Variants in LAMA2 observed in about 807,000 individuals in gnomAD.
LAMA2 encodes the protein laminin subunit alpha 2.
In LAMA2, 269 loss-of-function variants were observed where a neutral mutation model predicts 364.8. That is an observed-to-expected ratio of 0.74 (90% CI 0.67 to 0.82). LAMA2 has a LOEUF of 0.82. Ranked by LOEUF, LAMA2 falls within the 40% of genes least tolerant of loss-of-function variation. LAMA2 has a pLI of 0.00. For synonymous variants in LAMA2, 1,379 were observed against 1,370.6 expected (o/e 1.01, Z -0.14); for missense variants, 3,807 against 3,873.2 (o/e 0.98, Z 0.45).
At chr6:128,883,999 C>A (rs9482950) in intron 1 of LAMA2, among the ~76,000 whole-genome samples, 10,120 of 151,892 alleles carry the variant, frequency 0.067, 1,009 homozygotes, top group African/African-American at 0.21. Context: ...GTAGTGAAAT[C>A]GTGAAATTTC....
intron 1 of LAMA2, among the ~76,000 whole-genome samples, chr6:128,963,283 T>G (rs59357326): frequency 0.01 from 1,540 of 152,270 alleles, 31 homozygotes; most frequent in African/African-American, 0.035. Flanking sequence ...TAGGTTGAAA[T>G]GATGGTGCAT....
At chr6:129,443,895 C>T (rs1398043113) in intron 44 of LAMA2, among the ~76,000 whole-genome samples, 2 of 152,188 alleles carry the variant, frequency 1.3e-5, no homozygotes, top group East Asian at 3.9e-4. Flanking sequence ...ATTGAAATAA[C>T]AATTCTAAAC....
rs1779328933 is a variant in LAMA2 at position 129,391,638 on chromosome 6, C to A, written c.5219C>A (p.Ala1740Asp). ...AATCTAGAGACACAAAAGGAAATTG[C>A]TGAAGATGAGTTGGTGTGAGTAGAT... ...RKNLETQKEI[A>D]EDELVAAEAL... The change falls in exon 36 of 65, where the codon GCT becomes GAT. Residue 1740 changes from alanine to aspartate, a missense_variant. Physicochemically the swap from Ala to Asp is moderately radical, Grantham distance 126. Around this residue, in one of 3 missense-constraint regions of LAMA2, gnomAD observed 3,333 missense variants for 3,345.7 expected, o/e 1.00. Transcript: ENST00000421865. 1.2e-6 allele frequency: 2 copies of A among 1,613,264 alleles called. No individual in the cohort carries two copies. The highest frequency in any genetic ancestry group is 2.2e-5 in the South Asian group (2 of 91,058).
chr6:129,325,355 A>G (rs2326800), intron 28 of LAMA2, among the ~76,000 whole-genome samples: 7 of 152,118 alleles, frequency 4.6e-5, no homozygotes, highest in Non-Finnish European at 1.0e-4. Flanking sequence ...GTGTTCCAGA[A>G]AGGATTTTAG....
chr6:129,094,096 A>G (rs1174377706), intron 3 of LAMA2, among the ~76,000 whole-genome samples: 1 of 152,228 alleles, frequency 6.6e-6, no homozygotes, highest in Non-Finnish European at 1.5e-5. Flanking sequence ...TATTAGGGCC[A>G]TTAAATATTT....
intron 41 of LAMA2, among the ~76,000 whole-genome samples, chr6:129,433,750 T>C (rs1781709980): frequency 6.6e-6 from 1 of 152,116 alleles, no homozygotes; most frequent in South Asian, 2.1e-4. Context: ...AAACTTAGGT[T>C]CTGGACCAAG....
chr6:129,061,534 A>G (rs1371393756), intron 3 of LAMA2, among the ~76,000 whole-genome samples: 4 of 152,188 alleles, frequency 2.6e-5, no homozygotes, highest in Non-Finnish European at 5.9e-5. Flanking sequence ...GTTTTTATCA[A>G]TTCAGCAAGT....
intron 11 of LAMA2, among the ~76,000 whole-genome samples, chr6:129,192,254 G>A (rs1781561137): frequency 3.9e-5 from 6 of 152,112 alleles, no homozygotes. Flanking sequence ...TACTTTTTCA[G>A]GTTGTTTTTT....
At chr6:129,404,676 G>T (rs1257190575) in intron 40 of LAMA2, among the ~76,000 whole-genome samples, 2 of 152,076 alleles carry the variant, frequency 1.3e-5, no homozygotes, top group Non-Finnish European at 2.9e-5. Context: ...TGAATAAAAT[G>T]TTCAGAACCA....
chr6:129,243,562 T>C (rs952151294), intron 12 of LAMA2, among the ~76,000 whole-genome samples: 2 of 151,940 alleles, frequency 1.3e-5, no homozygotes, highest in Non-Finnish European at 2.9e-5. Context: ...AAGCAATCAG[T>C]GTTAGTTACA....
intron 35 of LAMA2, among the ~76,000 whole-genome samples, chr6:129,384,565 C>T (rs1403700372): frequency 6.6e-6 from 1 of 152,160 alleles, no homozygotes; most frequent in Non-Finnish European, 1.5e-5. Context: ...TTCCATCTCC[C>T]ACCAAAGAGA....
At chr6:129,147,148 G>C (rs1416207116) in intron 6 of LAMA2, 100 bp downstream of exon 6, 3 of 795,232 alleles carry the variant, frequency 3.8e-6, no homozygotes, top group Non-Finnish European at 6.8e-6. Context: ...ATGGGAGTCA[G>C]GTCCCCACTT....
At chr6:128,935,304 G>A (rs1397728687) in intron 1 of LAMA2, among the ~76,000 whole-genome samples, 9 of 149,680 alleles carry the variant, frequency 6.0e-5, no homozygotes, top group African/African-American at 2.2e-4. Context: ...TTATGAGTGA[G>A]AACACACACT....
At chr6:128,956,161 C>G (rs1282596175) in intron 1 of LAMA2, among the ~76,000 whole-genome samples, 1 of 151,738 alleles carries the variant, frequency 6.6e-6, no homozygotes, top group Non-Finnish European at 1.5e-5. Flanking sequence ...TTTTCTTGGG[C>G]CATCAATTTT....
At chr6:129,310,974 C>G (rs1331198505) in intron 22 of LAMA2, among the ~76,000 whole-genome samples, 1 of 152,030 alleles carries the variant, frequency 6.6e-6, no homozygotes, top group Non-Finnish European at 1.5e-5. Flanking sequence ...ACTGAGAAGC[C>G]GACTTCAAGG....
chr6:128,981,571 A>C, intron 1 of LAMA2, among the ~76,000 whole-genome samples: 1 of 106,812 alleles, frequency 9.4e-6, no homozygotes, highest in Admixed American at 1.2e-4. Context: ...GCGAAACCCC[A>C]TCTCTACCAA....
intron 7 of LAMA2, among the ~76,000 whole-genome samples, chr6:129,152,831 C>T (rs368770015): frequency 2.6e-5 from 4 of 152,222 alleles, no homozygotes; most frequent in African/African-American, 9.6e-5. Context: ...TCAAGTAGTA[C>T]CCTGTGTACC....
At chr6:129,226,187 G>A (rs1263617952) in intron 12 of LAMA2, among the ~76,000 whole-genome samples, 17 of 152,010 alleles carry the variant, frequency 1.1e-4, no homozygotes, top group African/African-American at 3.9e-4. Flanking sequence ...TATTTCCTTG[G>A]TAGATCTTCC....
At chr6:129,159,702 A>G (rs549235419) in intron 8 of LAMA2, among the ~76,000 whole-genome samples, 1 of 152,338 alleles carries the variant, frequency 6.6e-6, no homozygotes, top group East Asian at 1.9e-4. Flanking sequence ...GGGAAACCTA[A>G]TATTTCACTA....
Sources: gnomAD v4.1 joint callset for allele counts (sites outside exome capture counted in the v4.1 genomes callset) on GRCh38, gnomAD v4.1.1 for gene constraint, gnomAD v4.1.1 regional missense constraint, MANE v1.5 for transcripts, NCBI Gene and HGNC (gene_info 2026-07-23, HGNC 2026-07-21) for gene names.